The following PRKG1 variants were observed in gnomAD, a reference collection of about 807,000 sequenced individuals.
PRKG1 encodes the protein protein kinase cGMP-dependent 1.
In PRKG1, 35 loss-of-function variants were observed where a neutral mutation model predicts 88.1. That is an observed-to-expected ratio of 0.40 (90% CI 0.30 to 0.53). PRKG1 has a LOEUF of 0.53. Ranked by LOEUF, PRKG1 falls within the 20% of genes least tolerant of loss-of-function variation. The pLI, the probability that PRKG1 is intolerant of heterozygous loss-of-function variation, is 0.59. For missense variants in PRKG1, 540 were observed against 839.8 expected, an observed-to-expected ratio of 0.64 and a Z score of 4.41; for synonymous variants, 303 against 292.5, an observed-to-expected ratio of 1.04 and a Z score of -0.37.
At chr10:51,398,019 A>G (rs926093232) in intron 2 of PRKG1, among the ~76,000 whole-genome samples, 9 of 152,142 alleles carry the variant, frequency 5.9e-5, no homozygotes, top group Admixed American at 5.2e-4. Flanking sequence ...GCAGCTCTTC[A>G]TGGCTTACCT....
intron 10 of PRKG1, among the ~76,000 whole-genome samples, chr10:52,267,011 A>G (rs1361587840): frequency 6.6e-6 from 1 of 151,252 alleles, no homozygotes; most frequent in African/African-American, 2.4e-5. Context: ...ACTCGAAAGT[A>G]ATTTCATAGC....
intron 2 of PRKG1, among the ~76,000 whole-genome samples, chr10:51,424,787 G>C (rs1838525749): frequency 1.3e-5 from 2 of 152,030 alleles, no homozygotes; most frequent in Non-Finnish European, 2.9e-5. Context: ...CATTAGACTA[G>C]CCACAGTAGC....
intron 3 of PRKG1, among the ~76,000 whole-genome samples, chr10:51,625,023 T>C (rs574610751): frequency 6.6e-6 from 1 of 152,348 alleles, no homozygotes; most frequent in South Asian, 2.1e-4. Context: ...AATAACAATG[T>C]ATTGTATATT....
chr10:51,666,970 G>C (rs1361329641), intron 3 of PRKG1, among the ~76,000 whole-genome samples: 3 of 151,812 alleles, frequency 2.0e-5, no homozygotes, highest in African/African-American at 7.2e-5. Flanking sequence ...AATTTTTTTT[G>C]TATTTTTAGT....
chr10:51,260,830 T>C (rs1237394777), intron 2 of PRKG1, among the ~76,000 whole-genome samples: 1 of 152,190 alleles, frequency 6.6e-6, no homozygotes, highest in Non-Finnish European at 1.5e-5. Context: ...GACTTAGCCA[T>C]CAGAAACTAA....
At chr10:51,235,529 C>T (rs948107701) in intron 2 of PRKG1, among the ~76,000 whole-genome samples, 6 of 152,068 alleles carry the variant, frequency 3.9e-5, no homozygotes, top group Non-Finnish European at 2.9e-5. Flanking sequence ...ACTTAATGCT[C>T]GGGAGATGGA....
chr10:51,679,298 C>CTCTT (rs377590577), intron 3 of PRKG1, among the ~76,000 whole-genome samples: 188 of 152,070 alleles, frequency 1.2e-3, no homozygotes, highest in African/African-American at 4.3e-3. Context: ...CTCTGTTTTC[C>CTCTT]TCTTTCTTTC....
In PRKG1 at chr10:52,235,485, T is replaced by C. The variant is rs1384727066; in HGVS notation, c.1077-16085T>C. On this transcript the variant is annotated intron_variant, in intron 9 of 17. Transcript: ENST00000373980. ...GATGGAGGAAGATCTACCAAGCAAA[T>C]GGAGAACAAAAAAAGGCAGGGGTTG... 4.7e-5 allele frequency among the ~76,000 whole-genome samples: 7 copies of C among 149,314 alleles called. No homozygotes were observed. In the East Asian group the frequency reaches 1.4e-3, roughly 30 times the overall value.
At chr10:51,204,739 T>G (rs2132061328) in intron 2 of PRKG1, among the ~76,000 whole-genome samples, 1 of 152,260 alleles carries the variant, frequency 6.6e-6, no homozygotes, top group South Asian at 2.1e-4. Flanking sequence ...GTGGCAAAAC[T>G]CCTTAATAGA....
intron 9 of PRKG1, among the ~76,000 whole-genome samples, chr10:52,199,479 A>G (rs781436983): frequency 8.5e-5 from 13 of 152,150 alleles, no homozygotes; most frequent in Non-Finnish European, 1.6e-4. Context: ...AGCATTACCC[A>G]TGGAATAACT....
intron 1 of PRKG1, among the ~76,000 whole-genome samples, chr10:51,127,916 CA>C (rs1355627481): frequency 1.3e-5 from 2 of 152,086 alleles, no homozygotes; most frequent in Non-Finnish European, 2.9e-5. Flanking sequence ...AATGAGAACA[CA>C]TGGACTCAGG....
intron 1 of PRKG1, among the ~76,000 whole-genome samples, chr10:51,021,273 A>G (rs745591792): frequency 9.2e-5 from 14 of 152,218 alleles, no homozygotes; most frequent in Non-Finnish European, 1.3e-4. Flanking sequence ...AGGGTTAGAC[A>G]GAGCTCCTAA....
At chr10:52,127,294 G>T (rs1046584451) in intron 7 of PRKG1, among the ~76,000 whole-genome samples, 2 of 152,162 alleles carry the variant, frequency 1.3e-5, no homozygotes, top group African/African-American at 4.8e-5. Flanking sequence ...TTTGAGGTTA[G>T]GAGAAAATGA....
At chr10:51,135,168 C>A (rs749273620) in intron 1 of PRKG1, among the ~76,000 whole-genome samples, 7 of 152,130 alleles carry the variant, frequency 4.6e-5, no homozygotes, top group Admixed American at 1.3e-4. Context: ...GAATGGATGG[C>A]TGAATCAGTG....
chr10:51,951,386 TTAGA>T (rs1460646964), intron 5 of PRKG1, among the ~76,000 whole-genome samples: 2 of 152,192 alleles, frequency 1.3e-5, no homozygotes, highest in African/African-American at 4.8e-5. Context: ...TGTAATAAAC[TTAGA>T]TGGTTGCCTG....
At chr10:52,221,582 G>A (rs550914208) in intron 9 of PRKG1, among the ~76,000 whole-genome samples, 1 of 152,000 alleles carries the variant, frequency 6.6e-6, no homozygotes, top group Non-Finnish European at 1.5e-5. Flanking sequence ...TATGAACTAG[G>A]TGTTAAGTCA....
intron 3 of PRKG1, among the ~76,000 whole-genome samples, chr10:51,658,128 G>A (rs1302948489): frequency 1.3e-5 from 2 of 152,100 alleles, no homozygotes; most frequent in African/African-American, 2.4e-5. Flanking sequence ...TCTGTTAACA[G>A]AAACTATCCC....
At chr10:51,361,182 G>C (rs35346887) in intron 2 of PRKG1, among the ~76,000 whole-genome samples, 10,265 of 151,908 alleles carry the variant, frequency 0.068, 492 homozygotes, top group Middle Eastern at 0.13. Flanking sequence ...CCCAAACAAG[G>C]TTTTAACCTC....
intron 3 of PRKG1, among the ~76,000 whole-genome samples, chr10:51,478,479 C>A (rs536651250): frequency 6.6e-6 from 1 of 152,044 alleles, no homozygotes; most frequent in South Asian, 2.1e-4. Context: ...AATCCTTGAC[C>A]AGATAGATAA....
Sources: gnomAD v4.1 joint callset for allele counts (sites outside exome capture counted in the v4.1 genomes callset) on GRCh38, gnomAD v4.1.1 for gene constraint, MANE v1.5 for transcripts, NCBI Gene and HGNC (gene_info 2026-07-23, HGNC 2026-07-21) for gene names.